The following LIPH variants were observed in gnomAD, a reference collection of about 807,000 sequenced individuals.
LIPH encodes the protein lipase member H.
LIPH carries 32 observed loss-of-function variants against 47.6 expected under a neutral mutation model. That is an observed-to-expected ratio of 0.67 (90% CI 0.51 to 0.90). LIPH has a LOEUF of 0.90. Ranked by LOEUF, LIPH falls within the 40% of genes least tolerant of loss-of-function variation. The probability of loss-of-function intolerance (pLI) is 0.00; values close to 1 mark genes in which losing one functional copy is unlikely to be tolerated. For missense variants in LIPH, 497 were observed against 541.4 expected (o/e 0.92, Z 0.81); for synonymous variants, 190 against 195.6 (o/e 0.97, Z 0.24).
chr3:185,520,456 G>A (rs1195643691), intron 5 of LIPH, among the ~76,000 whole-genome samples: 1 of 151,888 alleles, frequency 6.6e-6, no homozygotes. Context: ...GGCGGAGGTT[G>A]CAGTGAGCCG....
At chr3:185,511,485 T>C (rs1029183236) in intron 9 of LIPH, 39 bp downstream of exon 9, 7 of 1,602,444 alleles carry the variant, frequency 4.4e-6, no homozygotes, top group Non-Finnish European at 6.0e-6. Context: ...GCAACATCTT[T>C]GGAAAACAGC....
In LIPH at chr3:185,514,997, AC is replaced by A. The variant is rs151270148; in HGVS notation, c.983-477del. Among the ~76,000 whole-genome samples, 1,354 of 151,862 alleles carry A rather than the reference AC, an allele frequency of 8.9e-3. 22 individuals are homozygous for A. Among genetic ancestry groups the A allele is most frequent in the African/African-American group, 0.031 (1,289 of 41,400 alleles). On this transcript the variant is annotated intron_variant, in intron 7 of 9. Coordinates refer to ENST00000296252, the MANE Select transcript of LIPH (RefSeq NM_139248.3). ...GCACTGTGAAGGCTCCTGGGCCTTC[AC>A]CCACCTGGGCACGCTTACTTTGCCA...
At chr3:185,544,809 G>A (rs1222659490) in intron 1 of LIPH, among the ~76,000 whole-genome samples, 1 of 152,116 alleles carries the variant, frequency 6.6e-6, no homozygotes, top group African/African-American at 2.4e-5. Flanking sequence ...ACAGGGCCTG[G>A]TTCAGAGTTA....
At chr3:185,538,963 ATATATT>A (rs1720614897) in intron 1 of LIPH, among the ~76,000 whole-genome samples, 2 of 148,104 alleles carry the variant, frequency 1.4e-5, no homozygotes, top group Non-Finnish European at 1.5e-5. Flanking sequence ...ATACACATAT[ATATATT>A]TTTTTTTATT....
chr3:185,523,677 G>A, intron 5 of LIPH, among the ~76,000 whole-genome samples: 1 of 151,996 alleles, frequency 6.6e-6, no homozygotes, highest in Non-Finnish European at 1.5e-5. Context: ...AAAGTGCTGG[G>A]ATTACAGGTA....
chr3:185,522,346 G>A (rs1719917626), intron 5 of LIPH, among the ~76,000 whole-genome samples: 1 of 152,060 alleles, frequency 6.6e-6, no homozygotes. Flanking sequence ...TCATTCTCAG[G>A]GTATGCTGAC....
intron 3 of LIPH, among the ~76,000 whole-genome samples, chr3:185,532,100 T>C (rs1560166244): frequency 6.6e-6 from 1 of 152,304 alleles, no homozygotes; most frequent in East Asian, 1.9e-4. Context: ...GAGAATTTGA[T>C]GAAAATTCTG....
intron 8 of LIPH, among the ~76,000 whole-genome samples, chr3:185,513,766 C>A (rs547608166): frequency 1.3e-5 from 2 of 152,238 alleles, no homozygotes; most frequent in Non-Finnish European, 2.9e-5. Flanking sequence ...ATCAGCCAGG[C>A]GCGGTGGCTC....
chr3:185,513,338 CAAAA>C (rs56090966), intron 8 of LIPH, among the ~76,000 whole-genome samples: 5 of 109,772 alleles, frequency 4.6e-5, no homozygotes, highest in Admixed American at 9.5e-5. Flanking sequence ...GGCTCTGTCT[CAAAA>C]AAAAAAAAAA....
chr3:185,508,616 T>G lies in LIPH; in HGVS notation c.*174A>C. The stretch of plus-strand genomic sequence containing the variant: ...GTTAGGGGCTCCTTCCCAGGATCGT[T>G]TTATAATCACAAGGTTGTTTGATGT... On this transcript the variant is annotated 3_prime_UTR_variant, in exon 10 of 10. Transcript: ENST00000296252. 1 of 633,456 alleles carries G rather than the reference T, an allele frequency of 1.6e-6. No individual in the cohort carries two copies. Among genetic ancestry groups the G allele is most frequent in the Non-Finnish European group, 2.8e-6 (1 of 352,566 alleles). The allele number at this position is 633,456 out of a possible 1,614,324, so 39.2% of individuals were successfully genotyped here.
chr3:185,525,819 T>C (rs566960163), intron 4 of LIPH, among the ~76,000 whole-genome samples: 1 of 152,366 alleles, frequency 6.6e-6, no homozygotes, highest in Admixed American at 6.5e-5. Flanking sequence ...AGAATGCCAC[T>C]GTTTCACAAA....
chr3:185,544,326 A>C (rs2148965018), intron 1 of LIPH, among the ~76,000 whole-genome samples: 2 of 145,028 alleles, frequency 1.4e-5, no homozygotes, highest in South Asian at 4.8e-4. Context: ...AGAATGGAGA[A>C]TTTTCCTCTG....
intron 1 of LIPH, among the ~76,000 whole-genome samples, chr3:185,536,355 C>A (rs1014940679): frequency 6.6e-6 from 1 of 152,070 alleles, no homozygotes; most frequent in African/African-American, 2.4e-5. Context: ...TGGACAAGAG[C>A]AGAAAGGGAA....
chr3:185,524,880 T>C (rs630863), intron 4 of LIPH, among the ~76,000 whole-genome samples: 86,963 of 151,958 alleles, frequency 0.57, 25,091 homozygotes, highest in South Asian at 0.73. Context: ...AATCTTTAAA[T>C]ATTTGAGAGC....
chr3:185,518,514 T>A (rs1719802847), intron 6 of LIPH, among the ~76,000 whole-genome samples: 1 of 151,804 alleles, frequency 6.6e-6, no homozygotes, highest in African/African-American at 2.4e-5. Flanking sequence ...ACTCCTGACC[T>A]TGTGATTCGC....
intron 5 of LIPH, 114 bp from the exon 6 acceptor site, chr3:185,519,423 A>G (rs756826825): frequency 3.4e-5 from 25 of 735,840 alleles, no homozygotes; most frequent in Non-Finnish European, 5.7e-5. Flanking sequence ...CTTTCAGTGT[A>G]TTTTATTTCA....
At chr3:185,551,512 A>T (rs1474662505) in intron 1 of LIPH, among the ~76,000 whole-genome samples, 1 of 152,232 alleles carries the variant, frequency 6.6e-6, no homozygotes, top group Non-Finnish European at 1.5e-5. Context: ...TTAAGTTGAT[A>T]TACTGTCTTT....
chr3:185,548,315 G>A (rs1278560531), intron 1 of LIPH, among the ~76,000 whole-genome samples: 2 of 151,828 alleles, frequency 1.3e-5, no homozygotes, highest in Non-Finnish European at 2.9e-5. Context: ...TGAGGCAGGA[G>A]AATTGCTAGA....
intron 8 of LIPH, among the ~76,000 whole-genome samples, chr3:185,512,315 A>G (rs1161990102): frequency 2.6e-5 from 4 of 152,094 alleles, no homozygotes; most frequent in Non-Finnish European, 5.9e-5. Flanking sequence ...GCAAATCCAG[A>G]GTCTGATCCT....
Sources: gnomAD v4.1 joint callset for allele counts (sites outside exome capture counted in the v4.1 genomes callset) on GRCh38, gnomAD v4.1.1 for gene constraint, MANE v1.5 for transcripts, NCBI Gene and HGNC (gene_info 2026-07-23, HGNC 2026-07-21) for gene names.